Variants in LRRIQ3 observed in about 807,000 individuals in gnomAD.
The protein encoded by LRRIQ3 is leucine-rich repeat and IQ domain-containing protein 3.
LRRIQ3 carries 75 observed loss-of-function variants against 59.3 expected under a neutral mutation model. The observed-to-expected ratio is 1.26, with a 90% CI of 1.05 to 1.53. The LOEUF (loss-of-function observed/expected upper bound fraction) is 1.53, where lower values mean the gene tolerates loss of function less well. Ranked by LOEUF, LRRIQ3 falls within the 40% of genes most tolerant of loss-of-function variation. The pLI is 0.00. For missense variants in LRRIQ3, 831 were observed against 710.0 expected (o/e 1.17, Z -1.94); for synonymous variants, 250 against 231.3 (o/e 1.08, Z -0.73).
Position 74,124,243 on chromosome 1 carries a change from T to C in LRRIQ3, c.708-14690A>G, listed in dbSNP as rs192418606. On this transcript the variant is annotated intron_variant, in intron 4 of 7. Coordinates refer to ENST00000354431, the MANE Select transcript of LRRIQ3 (RefSeq NM_001105659.2). ...TTTTTTCCTATAGAGTTGTTTGAGC[T>C]CCTTATATATTGTAGCTATTAATTC... Among the ~76,000 whole-genome samples the C allele has an allele frequency of 2.0e-5, 3 of 152,102 alleles. No individual in the cohort carries two copies. The East Asian group carries it at 5.8e-4, about 29-fold the overall frequency.
At chr1:74,152,241 T>G (rs565156774) in intron 4 of LRRIQ3, among the ~76,000 whole-genome samples, 1 of 152,008 alleles carries the variant, frequency 6.6e-6, no homozygotes, top group South Asian at 2.1e-4. Context: ...AGAAGGATTA[T>G]AATTATAAAT....
At chr1:74,124,354 TCTTTAA>T (rs111963590) in intron 4 of LRRIQ3, among the ~76,000 whole-genome samples, 10 of 152,146 alleles carry the variant, frequency 6.6e-5, no homozygotes, top group African/African-American at 2.2e-4. Flanking sequence ...GTGCAGAAGC[TCTTTAA>T]CTTTATGTGA....
intron 5 of LRRIQ3, among the ~76,000 whole-genome samples, chr1:74,081,289 T>C (rs1054068309): frequency 6.6e-6 from 1 of 151,634 alleles, no homozygotes; most frequent in African/African-American, 2.4e-5. Context: ...CTGAATATTA[T>C]ATTATGCTGC....
At chr1:74,063,415 T>G (rs2100450250) in intron 6 of LRRIQ3, among the ~76,000 whole-genome samples, 1 of 152,260 alleles carries the variant, frequency 6.6e-6, no homozygotes, top group African/African-American at 2.4e-5. Context: ...CTTTAAATTG[T>G]TGGTCAAATC....
At chr1:74,151,705 A>T (rs1647985467) in intron 4 of LRRIQ3, among the ~76,000 whole-genome samples, 1 of 152,160 alleles carries the variant, frequency 6.6e-6, no homozygotes, top group East Asian at 1.9e-4. Context: ...AACCAGCCAA[A>T]ACTCTCTTAC....
intron 1 of LRRIQ3, among the ~76,000 whole-genome samples, chr1:74,197,727 G>A (rs1404928677): frequency 6.6e-6 from 1 of 152,134 alleles, no homozygotes; most frequent in Admixed American, 6.5e-5. Context: ...ACAAACTTAA[G>A]GTTCCTAGAA....
intron 5 of LRRIQ3, among the ~76,000 whole-genome samples, chr1:74,089,126 T>C (rs1646366566): frequency 1.3e-5 from 2 of 152,214 alleles, no homozygotes; most frequent in South Asian, 4.1e-4. Flanking sequence ...TTGTATCCTG[T>C]AGAACAGTTA....
intron 4 of LRRIQ3, among the ~76,000 whole-genome samples, chr1:74,154,413 T>C (rs376973366): frequency 2.0e-5 from 3 of 152,202 alleles, no homozygotes; most frequent in South Asian, 4.2e-4. Flanking sequence ...CCAGCATAGA[T>C]AAGTAATGTA....
At chr1:74,144,884 A>C (rs1647464335) in intron 4 of LRRIQ3, among the ~76,000 whole-genome samples, 1 of 151,860 alleles carries the variant, frequency 6.6e-6, no homozygotes, top group Admixed American at 6.6e-5. Flanking sequence ...TGGCCTTAGA[A>C]ATTTTTGAGG....
intron 6 of LRRIQ3, among the ~76,000 whole-genome samples, chr1:74,051,231 A>T (rs1223693822): frequency 6.6e-6 from 1 of 152,194 alleles, no homozygotes; most frequent in African/African-American, 2.4e-5. Flanking sequence ...CAAAAATGAA[A>T]ATAGAGCATT....
At chr1:74,178,586 T>G (rs1167066862) in intron 3 of LRRIQ3, among the ~76,000 whole-genome samples, 1 of 152,174 alleles carries the variant, frequency 6.6e-6, no homozygotes, top group African/African-American at 2.4e-5. Context: ...ATATCAACCT[T>G]GTACTGCATT....
chr1:74,074,468 C>T (rs931228104), intron 6 of LRRIQ3, among the ~76,000 whole-genome samples, 193 bp downstream of exon 6: 13 of 152,098 alleles, frequency 8.5e-5, no homozygotes, highest in East Asian at 3.9e-4. Flanking sequence ...TTTTTATACA[C>T]GGATTACATG....
intron 4 of LRRIQ3, among the ~76,000 whole-genome samples, chr1:74,116,148 C>T (rs1017282764): frequency 6.6e-6 from 1 of 151,962 alleles, no homozygotes; most frequent in African/African-American, 2.4e-5. Context: ...AGACGTTTTT[C>T]CACAGCAGAG....
chr1:74,043,734 G>T (rs949983773), intron 6 of LRRIQ3, among the ~76,000 whole-genome samples: 2 of 151,988 alleles, frequency 1.3e-5, no homozygotes, highest in African/African-American at 4.8e-5. Flanking sequence ...CTTAAGTAGG[G>T]TTCTAACAAC....
intron 1 of LRRIQ3, among the ~76,000 whole-genome samples, chr1:74,185,438 A>G (rs1262566434): frequency 1.3e-5 from 2 of 152,138 alleles, no homozygotes; most frequent in Non-Finnish European, 1.5e-5. Flanking sequence ...AGCCACATGT[A>G]TATCTTCCTT....
rs144747913 is a variant in LRRIQ3, at chr1:74,187,628, G to C, written c.1-3944C>G. 8.5e-4 allele frequency among the ~76,000 whole-genome samples: 129 copies of C among 152,060 alleles called. No homozygotes were observed. The Middle Eastern group carries it at 0.014, about 16-fold the overall frequency. ...ACGAGGTATAGAAGACTACATACTG[G>C]GTACAGTGCACACTGCTTGGGTGAC... is the stretch of plus-strand genomic sequence containing the variant. On this transcript the variant is annotated intron_variant, in intron 1 of 7. Transcript: ENST00000354431.
intron 5 of LRRIQ3, 44 bp downstream of exon 5, chr1:74,109,350 C>A: frequency 7.7e-7 from 1 of 1,293,392 alleles, no homozygotes; most frequent in Non-Finnish European, 1.1e-6. Flanking sequence ...ACTTTAATAT[C>A]TTAAATACAT....
chr1:74,145,069 A>T (rs952956521), intron 4 of LRRIQ3, among the ~76,000 whole-genome samples: 2 of 152,072 alleles, frequency 1.3e-5, no homozygotes, highest in Non-Finnish European at 2.9e-5. Context: ...GGTATACAAC[A>T]CCTGAAAATC....
chr1:74,074,724 A>T lies in LRRIQ3; in HGVS notation c.934T>A (p.Cys312Ser). 6.8e-7 allele frequency: 1 copy of T among 1,460,286 alleles called. No homozygotes were observed. The highest frequency in any genetic ancestry group is 9.2e-7 in the Non-Finnish European group (1 of 1,081,906). The allele number at this position is 1,460,286 out of a possible 1,614,324, so 90.5% of individuals were successfully genotyped here. Reference protein sequence around the residue: ...EHRKHVSSILCELKPKDLGMK... With the variant: ...EHRKHVSSILSELKPKDLGMK... ...CCTAGATCTTTTGGTTTTAATTCAC[A>T]TAAAATAGATGACACATGTTTTCTG... Residue 312 changes from cysteine (C) to serine (S), a missense_variant, in exon 6 of 8, where the codon TGT (cysteine) becomes AGT (serine). Transcript: ENST00000354431.
Sources: gnomAD v4.1 joint callset for allele counts (sites outside exome capture counted in the v4.1 genomes callset) on GRCh38, gnomAD v4.1.1 for gene constraint, MANE v1.5 for transcripts, NCBI Gene and HGNC (gene_info 2026-07-23, HGNC 2026-07-21) for gene names.